Variants in TPD52 observed in about 807,000 individuals in gnomAD.
TPD52 encodes prostate and colon associated protein.
TPD52 carries 17 observed loss-of-function variants against 31.3 expected under a neutral mutation model. The ratio of observed to expected loss-of-function variants is 0.54; its 90% CI spans 0.37 to 0.82. TPD52 has a LOEUF of 0.82. Among genes scored for constraint, TPD52 ranks in the 40% least tolerant of loss-of-function variants. TPD52 has a pLI of 0.00. For missense variants in TPD52, 212 were observed against 240.1 expected, an observed-to-expected ratio of 0.88 and a Z score of 0.77; for synonymous variants, 83 against 89.6, an observed-to-expected ratio of 0.93 and a Z score of 0.42.
chr8:80,051,389 G>A, intron 4 of TPD52, 138 bp downstream of exon 4: 1 of 721,948 alleles, frequency 1.4e-6, no homozygotes, highest in Non-Finnish European at 2.4e-6. Context: ...TCCAGGTACT[G>A]GTTTGAAGGA....
intron 1 of TPD52, among the ~76,000 whole-genome samples, chr8:80,094,085 G>C (rs914784505): frequency 2.6e-5 from 4 of 151,976 alleles, no homozygotes; most frequent in African/African-American, 7.2e-5. Flanking sequence ...CTATCAAACA[G>C]GTATTTATCA....
At chr8:80,091,421 A>G (rs1362336726) in intron 1 of TPD52, among the ~76,000 whole-genome samples, 2 of 151,288 alleles carry the variant, frequency 1.3e-5, no homozygotes, top group African/African-American at 4.9e-5. Flanking sequence ...GTGAGCCGAG[A>G]TCGCGCCACT....
chr8:80,072,317 ATGTGTGTGTG>A (rs146024001), intron 1 of TPD52, among the ~76,000 whole-genome samples: 3 of 121,352 alleles, frequency 2.5e-5, no homozygotes, highest in Non-Finnish European at 5.1e-5. Flanking sequence ...AAAAACATAT[ATGTGTGTGTG>A]TGTGTGTGTG....
At chr8:80,162,606 GAGAA>G (rs980000464) in intron 1 of TPD52, among the ~76,000 whole-genome samples, 3 of 149,270 alleles carry the variant, frequency 2.0e-5, no homozygotes, top group Non-Finnish European at 4.5e-5. Context: ...CTGGACAAAA[GAGAA>G]AGACTCAATC....
chr8:80,042,580 G>A (rs1319477775), intron 7 of TPD52, 40 bp downstream of exon 7: 3 of 1,578,622 alleles, frequency 1.9e-6, no homozygotes, highest in East Asian at 2.2e-5. Context: ...TAAGACACCA[G>A]GCAATGTATC....
intron 1 of TPD52, among the ~76,000 whole-genome samples, chr8:80,160,951 A>C (rs1811320888): frequency 6.6e-6 from 1 of 151,020 alleles, no homozygotes; most frequent in African/African-American, 2.4e-5. Context: ...AGTCCCAGCT[A>C]CTTGGGAGGC....
At chr8:80,049,964 A>G (rs778406122) in intron 5 of TPD52, among the ~76,000 whole-genome samples, 1 of 152,148 alleles carries the variant, frequency 6.6e-6, no homozygotes, top group Non-Finnish European at 1.5e-5. Flanking sequence ...TTACCACAAC[A>G]ACAAAAAAAA....
intron 1 of TPD52, among the ~76,000 whole-genome samples, chr8:80,107,317 C>T (rs561571486): frequency 6.6e-6 from 1 of 152,284 alleles, no homozygotes; most frequent in South Asian, 2.1e-4. Context: ...TCCTAGCTGT[C>T]CTTTTTGTAA....
At chr8:80,154,352 T>C (rs1413518003) in intron 1 of TPD52, among the ~76,000 whole-genome samples, 2 of 152,166 alleles carry the variant, frequency 1.3e-5, no homozygotes, top group Non-Finnish European at 2.9e-5. Flanking sequence ...GGTGAGGCTC[T>C]CTGGAGTCGA....
intron 1 of TPD52, chr8:80,119,779 C>A: frequency 2.9e-6 from 1 of 350,710 alleles, no homozygotes; most frequent in Non-Finnish European, 5.5e-6. Flanking sequence ...AATAGATCCA[C>A]AAATATAAAG....
intron 1 of TPD52, among the ~76,000 whole-genome samples, chr8:80,143,975 A>G (rs925189720): frequency 2.0e-5 from 3 of 152,180 alleles, no homozygotes; most frequent in Admixed American, 2.0e-4. Context: ...ATGAATCTGT[A>G]AGGTGAAATC....
chr8:80,058,156 G>A (rs74516546), intron 2 of TPD52, among the ~76,000 whole-genome samples: 4,834 of 152,202 alleles, frequency 0.032, 276 homozygotes, highest in African/African-American at 0.11. Flanking sequence ...TCAAAACACT[G>A]TAAGAAATAT....
chr8:80,053,566 G>C (rs1278501322), intron 2 of TPD52, 136 bp from the exon 3 acceptor site: 1 of 965,786 alleles, frequency 1.0e-6, no homozygotes, highest in Non-Finnish European at 1.5e-6. Flanking sequence ...TAAAAACAAT[G>C]TATAATGTTG....
At chr8:80,063,959 C>T (rs1216930624) in intron 2 of TPD52, among the ~76,000 whole-genome samples, 4 of 107,592 alleles carry the variant, frequency 3.7e-5, no homozygotes, top group Non-Finnish European at 5.3e-5. Context: ...AAAAGAGAAG[C>T]CAGAAGGGGA....
At chr8:80,149,406 A>C (rs1377507828) in intron 1 of TPD52, among the ~76,000 whole-genome samples, 5 of 152,224 alleles carry the variant, frequency 3.3e-5, no homozygotes, top group African/African-American at 7.2e-5. Context: ...GAGTCAATTA[A>C]GCCTCTTTCT....
At chr8:80,164,432 T>C (rs1811577801) in intron 1 of TPD52, among the ~76,000 whole-genome samples, 1 of 152,030 alleles carries the variant, frequency 6.6e-6, no homozygotes, top group African/African-American at 2.4e-5. Context: ...CAATTGGAGG[T>C]GGAGGTGTTA....
chr8:80,081,487 G>C (rs1412523092), intron 1 of TPD52, among the ~76,000 whole-genome samples: 1 of 151,856 alleles, frequency 6.6e-6, no homozygotes, highest in Non-Finnish European at 1.5e-5. Context: ...AAATAAAGGC[G>C]ACTCGCTTTC....
intron 1 of TPD52, chr8:80,067,276 G>T (rs1333905053): frequency 6.6e-6 from 1 of 152,164 alleles, no homozygotes; most frequent in Non-Finnish European, 1.5e-5. Context: ...ATCTAAGAAA[G>T]TTGGTAATGA....
chr8:80,057,361 T>C (rs1812006011), intron 2 of TPD52, among the ~76,000 whole-genome samples: 1 of 152,124 alleles, frequency 6.6e-6, no homozygotes, highest in Non-Finnish European at 1.5e-5. Flanking sequence ...TAGAAATTGT[T>C]CTACCAAAAA....
Sources: allele counts gnomAD v4.1 joint callset (sites outside exome capture counted in the v4.1 genomes callset), GRCh38; gene constraint gnomAD v4.1.1; transcripts MANE v1.5; gene names NCBI Gene and HGNC (gene_info 2026-07-23, HGNC 2026-07-21).